SETD4: variants seen among roughly 807,000 people sequenced by gnomAD.
SETD4 encodes SET domain containing 4, also known as SET domain-containing protein 4.
A neutral mutation model predicts 58.3 loss-of-function variants in SETD4; 46 were observed. The ratio of observed to expected loss-of-function variants is 0.79; its 90% CI spans 0.62 to 1.01. SETD4 has a LOEUF of 1.01. SETD4 is among the 50% of genes least tolerant of loss of function. The pLI, the probability that SETD4 is intolerant of heterozygous loss-of-function variation, is 0.00. For synonymous variants in SETD4, 190 were observed against 202.6 expected (o/e 0.94, Z 0.53); for missense variants, 490 against 523.3 (o/e 0.94, Z 0.62).
At chr21:36,050,401 T>C in intron 4 of SETD4, 7 of 1,614,124 alleles carry the variant, frequency 4.3e-6, no homozygotes, top group Non-Finnish European at 5.1e-6. Context: ...GGTCTGCGGA[T>C]CAATGGAGAG....
Position 36,053,636 on chromosome 21 carries a change from C to T in SETD4, c.170-16G>A. ...CTTCCTGTACCTAGGAAAGCAAAGACAGAAAGAGAGTAAATCCTACCATAA... is the reference window on the plus strand; with the variant it reads ...CTTCCTGTACCTAGGAAAGCAAAGATAGAAAGAGAGTAAATCCTACCATAA... On this transcript the variant is annotated splice_polypyrimidine_tract_variant and intron_variant, in intron 3 of 11. Coordinates refer to ENST00000332131, the MANE Select transcript of SETD4 (RefSeq NM_017438.5). 2 of 1,613,372 alleles carry T rather than the reference C, an allele frequency of 1.2e-6. No individual in the cohort carries two copies. The highest frequency in any genetic ancestry group is 1.7e-6 in the Non-Finnish European group (2 of 1,179,568).
intron 5 of SETD4, among the ~76,000 whole-genome samples, 191 bp downstream of exon 5, chr21:36,048,117 C>T (rs1230193608): frequency 6.6e-6 from 1 of 150,716 alleles, no homozygotes; most frequent in Non-Finnish European, 1.5e-5. Context: ...GGCAGGCAGG[C>T]AGGCAGGCAG....
intron 10 of SETD4, chr21:36,036,460 C>T (rs909125722): frequency 4.7e-5 from 14 of 297,716 alleles, no homozygotes; most frequent in Non-Finnish European, 6.5e-5. Flanking sequence ...TAACCCTATT[C>T]CCCTCTTCCC....
chr21:36,043,715 A>G (rs1472338590), intron 7 of SETD4, 67 bp downstream of exon 7: 2 of 1,587,570 alleles, frequency 1.3e-6, no homozygotes, highest in East Asian at 4.5e-5. Flanking sequence ...TAAAACTGAA[A>G]ATACACATCT....
At position 36,051,380 on chromosome 21, in the gene SETD4, C is replaced by T. The variant is rs1290064048; in HGVS notation, c.207+2203G>A. On this transcript the variant is annotated intron_variant, in intron 4 of 11. Transcript: ENST00000332131. ...AAATCAAACTACTGGTGGACTGACTCCACTGGTAATTAACCAACAAAACCC... is the reference window on the plus strand; with the variant it reads ...AAATCAAACTACTGGTGGACTGACTTCACTGGTAATTAACCAACAAAACCC... 182 of 1,504,392 alleles carry T rather than the reference C, an allele frequency of 1.2e-4. 1 individual carries two copies. Among genetic ancestry groups the T allele is most frequent in the Non-Finnish European group, 1.3e-5 (15 of 1,119,236 alleles). The allele number at this position is 1,504,392 out of a possible 1,614,324, so 93.2% of individuals were successfully genotyped here. A position where few individuals can be genotyped will look rare whatever the true frequency, so the allele number is the denominator to read the frequency against.
At position 36,034,759 on chromosome 21, in the gene SETD4, C is replaced by T. The variant is rs908541759; in HGVS notation, c.*1234G>A. 3 of 152,106 alleles carry T rather than the reference C, an allele frequency of 2.0e-5. No homozygotes were observed. The highest frequency in any genetic ancestry group is 7.2e-5 in the African/African-American group (3 of 41,412). The allele number at this position is 152,106 out of a possible 1,614,324, so 9.4% of individuals were successfully genotyped here. On this transcript the variant is annotated 3_prime_UTR_variant, in exon 12 of 12. Transcript: ENST00000332131. ...GCTGCCGATGGCCGCTCTGCAGAATCGCTGGGACTAAGACCACAGGTCCAG... is the reference window on the plus strand; with the variant it reads ...GCTGCCGATGGCCGCTCTGCAGAATTGCTGGGACTAAGACCACAGGTCCAG...
intron 3 of SETD4, among the ~76,000 whole-genome samples, chr21:36,054,864 T>C (rs1418435487): frequency 1.5e-5 from 2 of 136,870 alleles, no homozygotes; most frequent in Non-Finnish European, 1.6e-5. Flanking sequence ...TCCTGGCTCA[T>C]GGTGGGAATT....
chr21:36,046,025 A>G lies in SETD4; in HGVS notation c.297-14T>C. ...GGAGGCTTCCACCTTTGAAAATTAA[A>G]AGCCAGTTTAAAGGAATTACTTTGA... On this transcript the variant is annotated splice_polypyrimidine_tract_variant and intron_variant, in intron 5 of 11. Transcript: ENST00000332131. The G allele has an allele frequency of 1.2e-6, 2 of 1,602,474 alleles. No homozygotes were observed. Among genetic ancestry groups the G allele is most frequent in the Non-Finnish European group, 1.7e-6 (2 of 1,175,966 alleles).
intron 10 of SETD4, among the ~76,000 whole-genome samples, chr21:36,037,513 G>A (rs2063834512): frequency 6.7e-6 from 1 of 149,568 alleles, no homozygotes; most frequent in Non-Finnish European, 1.5e-5. Context: ...GCTGAGGCAG[G>A]AGAATCACTT....
In SETD4 at chr21:36,035,173, G is replaced by A. The variant is rs1413436760; in HGVS notation, c.*820C>T. ...CCGTTACTTACGCAGGCAGTTCCAA[G>A]GCCACAGGCCGCTGAGAGCTGTGCA... is the stretch of plus-strand genomic sequence containing the variant. On this transcript the variant is annotated 3_prime_UTR_variant, in exon 12 of 12. Coordinates refer to ENST00000332131, the MANE Select transcript of SETD4 (RefSeq NM_017438.5). 1 of 152,342 alleles carries A rather than the reference G, an allele frequency of 6.6e-6. No individual in the cohort carries two copies. The highest frequency in any genetic ancestry group is 6.5e-5 in the Admixed American group (1 of 15,284). 9.4% of individuals were successfully genotyped at this position (152,342 alleles called of 1,614,324 possible).
At chr21:36,042,054 A>C in intron 7 of SETD4, 166 bp from the exon 8 acceptor site, 1 of 488,820 alleles carries the variant, frequency 2.0e-6, no homozygotes, top group South Asian at 2.3e-5. Flanking sequence ...CAATTCAGTC[A>C]CATCAGTACT....
intron 4 of SETD4, chr21:36,051,211 A>T (rs2064663952): frequency 6.2e-7 from 1 of 1,606,000 alleles, no homozygotes; most frequent in South Asian, 1.1e-5. Flanking sequence ...AGTGAGCTGG[A>T]GCTGGGTCCC....
At chr21:36,050,848 G>A in intron 4 of SETD4, 2 of 1,611,040 alleles carry the variant, frequency 1.2e-6, no homozygotes, top group Non-Finnish European at 1.7e-6. Context: ...GTCGTGGGAG[G>A]CCATGTGGTT....
chr21:36,060,375 G>C lies in SETD4; in HGVS notation c.-65C>G, dbSNP rs34202426. 0.042 allele frequency: 6,500 copies of C among 154,162 alleles called. 206 individuals are homozygous for C. The highest frequency in any genetic ancestry group is 0.061 in the Non-Finnish European group (4,285 of 69,702). The allele number at this position is 154,162 out of a possible 1,614,324, so 9.5% of individuals were successfully genotyped here. A position where few individuals can be genotyped will look rare whatever the true frequency, so the allele number is the denominator to read the frequency against. ...GGCGCCGGCGGCCGCTTCCAAGATG[G>C]AGGCTGCAGTGGGCGGGCCCAAGGC... On this transcript the variant is annotated 5_prime_UTR_variant, in exon 1 of 12. Coordinates refer to ENST00000332131, the MANE Select transcript of SETD4 (RefSeq NM_017438.5).
At position 36,045,858 on chromosome 21, in the gene SETD4, A is replaced by G; in HGVS notation, c.450T>C (p.Leu150=). 6.2e-7 allele frequency: 1 copy of G among 1,614,216 alleles called. No homozygotes were observed. Among genetic ancestry groups the G allele is most frequent in the Non-Finnish European group, 8.5e-7 (1 of 1,180,026 alleles). Residue 150 remains leucine (L), a synonymous_variant, in exon 6 of 12, where the codon CTT becomes CTC. Transcript: ENST00000332131. ...PVCLEPEVVN[L]LPKSLKAKAE... The stretch of plus-strand genomic sequence containing the variant: ...CCTTTGCTTTTAAAGATTTGGGAAG[A>G]AGGTTCACCACTTCCGGCTCCAAAC...
At chr21:36,058,187 A>G (rs2065082395) in intron 2 of SETD4, among the ~76,000 whole-genome samples, 1 of 152,246 alleles carries the variant, frequency 6.6e-6, no homozygotes, top group Non-Finnish European at 1.5e-5. Context: ...CACCATTAAA[A>G]AAGAGTGTTA....
chr21:36,050,358 G>A, intron 4 of SETD4: 1 of 1,613,718 alleles, frequency 6.2e-7, no homozygotes, highest in African/African-American at 1.3e-5. Context: ...GGTGATGGAT[G>A]AGGTGGTGCT....
At chr21:36,042,254 C>A (rs779937359) in intron 7 of SETD4, 3 of 156,280 alleles carry the variant, frequency 1.9e-5, no homozygotes, top group African/African-American at 2.4e-5. Context: ...CAATACTGAG[C>A]TTTTTCCAAA....
intron 3 of SETD4, among the ~76,000 whole-genome samples, chr21:36,054,489 G>T (rs2064877618): frequency 6.6e-6 from 1 of 152,200 alleles, no homozygotes; most frequent in African/African-American, 2.4e-5. Context: ...AAATAATTCA[G>T]CCAAGTCAGT....
Sources: gnomAD v4.1 joint callset for allele counts (sites outside exome capture counted in the v4.1 genomes callset) on GRCh38, gnomAD v4.1.1 for gene constraint, MANE v1.5 for transcripts, NCBI Gene and HGNC (gene_info 2026-07-23, HGNC 2026-07-21) for gene names.